SYN3: variants seen among roughly 807,000 people sequenced by gnomAD.
SYN3 encodes synapsin III, also known as synapsin-3.
SYN3 carries 35 observed loss-of-function variants against 65.8 expected under a neutral mutation model. The ratio of observed to expected loss-of-function variants is 0.53; its 90% CI spans 0.41 to 0.70. The LOEUF is 0.70. Among genes scored for constraint, SYN3 ranks in the 30% least tolerant of loss-of-function variants. The pLI is 0.00. For missense variants in SYN3, 680 were observed against 749.0 expected, an observed-to-expected ratio of 0.91 and a Z score of 1.08; for synonymous variants, 270 against 292.9, an observed-to-expected ratio of 0.92 and a Z score of 0.80.
chr22:32,587,359 G>A lies in SYN3; in HGVS notation c.774+9315C>T, dbSNP rs138964232. Among the ~76,000 whole-genome samples, 1,119 of 152,070 alleles carry A rather than the reference G, an allele frequency of 7.4e-3. 15 individuals carry two copies. Among genetic ancestry groups the A allele is most frequent in the African/African-American group, 0.026 (1,076 of 41,478 alleles). On this transcript the variant is annotated intron_variant, in intron 7 of 13. Transcript: ENST00000358763. ...TGAGAGGGAGGGCAGTGGGTGTTGG[G>A]GGGGAGGGTCCCTCACGGTTTAGCT...
At chr22:32,739,270 C>T (rs574444739) in intron 6 of SYN3, among the ~76,000 whole-genome samples, 3 of 151,918 alleles carry the variant, frequency 2.0e-5, no homozygotes, top group Non-Finnish European at 2.9e-5. Flanking sequence ...TCACTTGGCT[C>T]TCATTCTCTC....
At chr22:32,999,961 G>A (rs541334390) in intron 2 of SYN3, among the ~76,000 whole-genome samples, 6 of 152,224 alleles carry the variant, frequency 3.9e-5, no homozygotes, top group Admixed American at 2.6e-4. Context: ...TCAGACCAGT[G>A]AAGCTGCTGG....
chr22:32,984,970 G>T (rs764224055), intron 2 of SYN3, among the ~76,000 whole-genome samples: 44 of 152,300 alleles, frequency 2.9e-4, no homozygotes, highest in Non-Finnish European at 5.0e-4. Flanking sequence ...AACTACCAGG[G>T]AAGGGTGTGG....
At chr22:32,840,953 C>T (rs2047883536) in intron 6 of SYN3, among the ~76,000 whole-genome samples, 1 of 152,194 alleles carries the variant, frequency 6.6e-6, no homozygotes, top group African/African-American at 2.4e-5. Flanking sequence ...ACTGAAACAC[C>T]TTCCTGGTTG....
At chr22:32,638,969 T>A (rs1183782480) in intron 6 of SYN3, among the ~76,000 whole-genome samples, 1 of 152,184 alleles carries the variant, frequency 6.6e-6, no homozygotes, top group Non-Finnish European at 1.5e-5. Context: ...AATCTTTTTT[T>A]TTGAGACAGA....
chr22:32,676,620 T>C (rs1205240803), intron 6 of SYN3, among the ~76,000 whole-genome samples: 1 of 130,550 alleles, frequency 7.7e-6, no homozygotes, highest in Non-Finnish European at 1.6e-5. Flanking sequence ...TCATGCAAAC[T>C]CCACCTCCTG....
intron 1 of SYN3, among the ~76,000 whole-genome samples, chr22:33,030,482 T>G (rs1569414538): frequency 6.8e-6 from 1 of 147,268 alleles, no homozygotes; most frequent in Non-Finnish European, 1.5e-5. Flanking sequence ...GAGACAGATA[T>G]AGAGAGACTG....
intron 3 of SYN3, among the ~76,000 whole-genome samples, chr22:32,952,272 C>T (rs889215952): frequency 1.0e-4 from 15 of 149,144 alleles, no homozygotes; most frequent in East Asian, 3.9e-4. Context: ...TGTGCGCACA[C>T]GCATGTGAAT....
intron 7 of SYN3, among the ~76,000 whole-genome samples, chr22:32,556,489 C>T (rs2058497640): frequency 6.6e-6 from 1 of 152,038 alleles, no homozygotes; most frequent in African/African-American, 2.4e-5. Flanking sequence ...ATTTACATGG[C>T]GTCTGACAGA....
At chr22:32,615,540 C>A (rs990944828) in intron 6 of SYN3, among the ~76,000 whole-genome samples, 2 of 151,556 alleles carry the variant, frequency 1.3e-5, no homozygotes, top group African/African-American at 2.4e-5. Flanking sequence ...CAGGGCTCGG[C>A]TCCATCCAGC....
At chr22:32,782,036 T>C (rs912221603) in intron 6 of SYN3, among the ~76,000 whole-genome samples, 1 of 151,970 alleles carries the variant, frequency 6.6e-6, no homozygotes, top group African/African-American at 2.4e-5. Context: ...GAAAATTCCA[T>C]AGTAAGAAGG....
intron 4 of SYN3, among the ~76,000 whole-genome samples, chr22:32,880,063 A>G (rs1365232670): frequency 6.6e-6 from 1 of 152,140 alleles, no homozygotes; most frequent in African/African-American, 2.4e-5. Context: ...CTTGAAGCCA[A>G]GGTTTTTGAC....
intron 6 of SYN3, among the ~76,000 whole-genome samples, chr22:32,599,209 TTAA>T (rs572589113): frequency 7.2e-4 from 109 of 152,344 alleles, no homozygotes; most frequent in African/African-American, 2.5e-3. Flanking sequence ...ACTTGTTAAC[TTAA>T]TAATAATTAT....
At chr22:32,692,770 T>A (rs1017056734) in intron 6 of SYN3, among the ~76,000 whole-genome samples, 10 of 78 alleles carry the variant, frequency 0.13, no homozygotes, top group Admixed American at 0.19. Flanking sequence ...CTTTGTAGAG[T>A]CTCCATTATG....
At chr22:33,029,016 G>C (rs1446295695) in intron 1 of SYN3, among the ~76,000 whole-genome samples, 1 of 151,690 alleles carries the variant, frequency 6.6e-6, no homozygotes, top group Non-Finnish European at 1.5e-5. Flanking sequence ...CTACAGCCTG[G>C]GTGACAGAGC....
At chr22:32,780,885 TTGCCTGCC>T (rs5845030) in intron 6 of SYN3, among the ~76,000 whole-genome samples, 6 of 100,640 alleles carry the variant, frequency 6.0e-5, no homozygotes, top group East Asian at 4.4e-4. Context: ...CTTGGTATTA[TTGCCTGCC>T]TGCCTGCCTG....
intron 6 of SYN3, among the ~76,000 whole-genome samples, chr22:32,849,802 A>G (rs1353694476): frequency 2.0e-5 from 3 of 152,172 alleles, no homozygotes; most frequent in Admixed American, 1.3e-4. Flanking sequence ...GCCAGATGGC[A>G]GATAGCCTTG....
chr22:33,026,491 C>A (rs1396275248), intron 1 of SYN3, among the ~76,000 whole-genome samples: 1 of 152,146 alleles, frequency 6.6e-6, no homozygotes, highest in Admixed American at 6.5e-5. Flanking sequence ...GTTGCATTAT[C>A]TTCAGGTCAA....
intron 6 of SYN3, among the ~76,000 whole-genome samples, chr22:32,807,769 T>G (rs2046804553): frequency 6.6e-6 from 1 of 151,610 alleles, no homozygotes; most frequent in African/African-American, 2.4e-5. Flanking sequence ...TACTACATAC[T>G]CTTATATTAT....
Sources: allele counts gnomAD v4.1 joint callset (sites outside exome capture counted in the v4.1 genomes callset), GRCh38; gene constraint gnomAD v4.1.1; transcripts MANE v1.5; gene names NCBI Gene and HGNC (gene_info 2026-07-23, HGNC 2026-07-21).